GALNTL6: variants seen among roughly 807,000 people sequenced by gnomAD.
GALNTL6 encodes polypeptide N-acetylgalactosaminyltransferase like 6.
GALNTL6 carries 46 observed loss-of-function variants against 73.7 expected under a neutral mutation model. The ratio of observed to expected loss-of-function variants is 0.62; its 90% CI spans 0.49 to 0.80. The LOEUF (loss-of-function observed/expected upper bound fraction) is 0.80, where lower values mean the gene tolerates loss of function less well. GALNTL6 is among the 30% of genes least tolerant of loss of function. GALNTL6 has a pLI of 0.00. For missense variants in GALNTL6, 604 were observed against 755.0 expected (o/e 0.80, Z 2.34); for synonymous variants, 259 against 263.7 (o/e 0.98, Z 0.17).
At chr4:171,977,377 G>T (rs1487599354) in intron 2 of GALNTL6, among the ~76,000 whole-genome samples, 1 of 152,110 alleles carries the variant, frequency 6.6e-6, no homozygotes, top group African/African-American at 2.4e-5. Context: ...CCACAGACTG[G>T]GTGGCTTAAA....
At chr4:172,243,167 G>A (rs1737506906) in intron 3 of GALNTL6, among the ~76,000 whole-genome samples, 1 of 152,098 alleles carries the variant, frequency 6.6e-6, no homozygotes, top group African/African-American at 2.4e-5. Flanking sequence ...TACTAAACAT[G>A]TTCCAGCAAT....
At chr4:172,396,733 A>G (rs1261625815) in intron 5 of GALNTL6, among the ~76,000 whole-genome samples, 4 of 152,214 alleles carry the variant, frequency 2.6e-5, no homozygotes, top group Non-Finnish European at 5.9e-5. Flanking sequence ...TGTGTTAAAA[A>G]AATAGAAACT....
At position 172,095,913 on chromosome 4, in the gene GALNTL6, T is replaced by C. The variant is rs563307877; in HGVS notation, c.139-133743T>C. On this transcript the variant is annotated intron_variant, in intron 2 of 12. Coordinates refer to ENST00000506823, the MANE Select transcript of GALNTL6 (RefSeq NM_001034845.3). ...AATAAAATGTAGAATAATTTTAATATTATTTTGAAATTGGGAAATTTTAGA... is the reference window on the plus strand; with the variant it reads ...AATAAAATGTAGAATAATTTTAATACTATTTTGAAATTGGGAAATTTTAGA... 2.0e-5 allele frequency among the ~76,000 whole-genome samples: 3 copies of C among 152,094 alleles called. No homozygotes were observed. The East Asian group carries it at 5.8e-4, about 29-fold the overall frequency.
At chr4:172,119,014 A>G (rs1379287278) in intron 2 of GALNTL6, among the ~76,000 whole-genome samples, 1 of 152,088 alleles carries the variant, frequency 6.6e-6, no homozygotes, top group Non-Finnish European at 1.5e-5. Flanking sequence ...ATTCACAATA[A>G]AGTTATTTCC....
chr4:172,325,869 A>G (rs1307966640), intron 4 of GALNTL6, among the ~76,000 whole-genome samples: 1 of 151,850 alleles, frequency 6.6e-6, no homozygotes, highest in African/African-American at 2.4e-5. Context: ...ATAAAAAAAG[A>G]AAACTAAAAG....
chr4:172,714,209 A>C (rs1351036204), intron 5 of GALNTL6, among the ~76,000 whole-genome samples: 1 of 152,168 alleles, frequency 6.6e-6, no homozygotes, highest in Non-Finnish European at 1.5e-5. Context: ...CCAGAAATGA[A>C]CAAGGACAGC....
intron 5 of GALNTL6, among the ~76,000 whole-genome samples, chr4:172,552,162 A>G (rs1225322351): frequency 1.3e-5 from 2 of 152,124 alleles, no homozygotes; most frequent in African/African-American, 4.8e-5. Context: ...GCCCTTGGGA[A>G]CTCAATAGAT....
At chr4:173,009,334 C>T (rs148633634) in intron 11 of GALNTL6, 40 bp downstream of exon 11, 4 of 1,158,134 alleles carry the variant, frequency 3.5e-6, no homozygotes, top group South Asian at 1.2e-5. Flanking sequence ...GGGAACCAGT[C>T]GGGGGCTGAT....
intron 2 of GALNTL6, among the ~76,000 whole-genome samples, chr4:171,971,641 A>C (rs1441637088): frequency 1.3e-5 from 2 of 152,322 alleles, no homozygotes; most frequent in East Asian, 3.9e-4. Context: ...AATATTAATA[A>C]AATTGAGTTG....
rs533200367 is a variant in GALNTL6 at position 172,300,509 on chromosome 4, C to T, written c.248-11105C>T. Among the ~76,000 whole-genome samples, 273 of 152,196 alleles carry T rather than the reference C, an allele frequency of 1.8e-3. 1 individual carries two copies. In the Middle Eastern group the frequency reaches 0.02, roughly 11 times the overall value. ...GGCATGTTTTTGCAGTGGCTGGTAC[C>T]GGTTGTTCCTTTCCATGTTTAGTGC... is the stretch of plus-strand genomic sequence containing the variant. On this transcript the variant is annotated intron_variant, in intron 3 of 12. Coordinates refer to ENST00000506823, the MANE Select transcript of GALNTL6 (RefSeq NM_001034845.3).
At chr4:172,488,278 C>A (rs189178229) in intron 5 of GALNTL6, among the ~76,000 whole-genome samples, 1 of 152,330 alleles carries the variant, frequency 6.6e-6, no homozygotes, top group Admixed American at 6.5e-5. Context: ...CCTCCTCTAA[C>A]TTATTTGATT....
intron 5 of GALNTL6, among the ~76,000 whole-genome samples, chr4:172,449,798 T>C (rs1307293890): frequency 6.6e-6 from 1 of 152,256 alleles, no homozygotes; most frequent in Non-Finnish European, 1.5e-5. Flanking sequence ...CTTGAACTAA[T>C]GTCTTTCACC....
intron 5 of GALNTL6, among the ~76,000 whole-genome samples, chr4:172,483,868 T>C (rs1733580399): frequency 6.6e-6 from 1 of 152,080 alleles, no homozygotes; most frequent in Non-Finnish European, 1.5e-5. Context: ...GAAAGGTGGA[T>C]GAAAATAAAT....
At chr4:172,391,822 A>C (rs1030759340) in intron 5 of GALNTL6, among the ~76,000 whole-genome samples, 3 of 152,202 alleles carry the variant, frequency 2.0e-5, no homozygotes, top group Non-Finnish European at 4.4e-5. Context: ...GCCTATTACT[A>C]GACAGAGGGA....
intron 2 of GALNTL6, among the ~76,000 whole-genome samples, chr4:172,103,469 T>C (rs906997581): frequency 6.6e-6 from 1 of 152,208 alleles, no homozygotes; most frequent in African/African-American, 2.4e-5. Flanking sequence ...ATTTTATAGT[T>C]ATAAAGGGAT....
chr4:172,184,812 T>TAA (rs1735367548), intron 2 of GALNTL6, among the ~76,000 whole-genome samples: 3 of 152,114 alleles, frequency 2.0e-5, no homozygotes, highest in Non-Finnish European at 1.5e-5. Context: ...TGGCAAAAGG[T>TAA]AGAAGGACAA....
intron 11 of GALNTL6, among the ~76,000 whole-genome samples, chr4:173,017,686 T>C (rs1752838629): frequency 6.6e-6 from 1 of 152,140 alleles, no homozygotes; most frequent in South Asian, 2.1e-4. Flanking sequence ...GTAATAATAA[T>C]AATACATAAA....
intron 2 of GALNTL6, among the ~76,000 whole-genome samples, chr4:172,007,804 C>G (rs1318740775): frequency 6.6e-6 from 1 of 152,134 alleles, no homozygotes; most frequent in East Asian, 1.9e-4. Context: ...GATATCTCCC[C>G]TTTTCTGTCC....
rs1491159934 is a variant in GALNTL6, at chr4:172,206,806, T to TTTGTTG, written c.139-22848_139-22847insGTTGTT. Among the ~76,000 whole-genome samples, 146 of 32,376 alleles carry TTTGTTG rather than the reference T, an allele frequency of 4.5e-3. 2 individuals are homozygous for TTTGTTG. Among genetic ancestry groups the TTTGTTG allele is most frequent in the African/African-American group, 0.014 (136 of 9,542 alleles). 21.2% of individuals were successfully genotyped at this position (32,376 alleles called of 152,430 possible). On this transcript the variant is annotated intron_variant, in intron 2 of 12. Transcript: ENST00000506823. Reference sequence around the variant, plus strand: ...TGTTTTGTTTTGTTTTGTTTTTCTGTTTTTTTTGTTTGTTTTTTTTTTTTT... The same window carrying TTTGTTG: ...TGTTTTGTTTTGTTTTGTTTTTCTGTTTGTTGTTTTTTTGTTTGTTTTTTTTTTTTT...
Sources: allele counts gnomAD v4.1 joint callset (sites outside exome capture counted in the v4.1 genomes callset), GRCh38; gene constraint gnomAD v4.1.1; transcripts MANE v1.5; gene names NCBI Gene and HGNC (gene_info 2026-07-23, HGNC 2026-07-21).